ZNF804B: variants seen among roughly 807,000 people sequenced by gnomAD.
The protein encoded by ZNF804B is zinc finger protein 804B.
In ZNF804B, 80 loss-of-function variants were observed where a neutral mutation model predicts 101.4. The ratio of observed to expected loss-of-function variants is 0.79; its 90% CI spans 0.66 to 0.95. The LOEUF (loss-of-function observed/expected upper bound fraction) is 0.95, where lower values mean the gene tolerates loss of function less well. Ranked by LOEUF, ZNF804B falls within the 40% of genes least tolerant of loss-of-function variation. The pLI, the probability that ZNF804B is intolerant of heterozygous loss-of-function variation, is 0.00. For synonymous variants in ZNF804B, 622 were observed against 558.8 expected (o/e 1.11, Z -1.59); for missense variants, 1,673 against 1,561.9 (o/e 1.07, Z -1.20).
At chr7:89,216,064 G>A (rs1415060419) in intron 1 of ZNF804B, among the ~76,000 whole-genome samples, 1 of 152,160 alleles carries the variant, frequency 6.6e-6, no homozygotes, top group Non-Finnish European at 1.5e-5. Flanking sequence ...AGTGCTTTGG[G>A]AGGCCGCGGC....
chr7:88,919,870 A>C (rs1262183482), intron 1 of ZNF804B, among the ~76,000 whole-genome samples: 1 of 152,084 alleles, frequency 6.6e-6, no homozygotes, highest in Non-Finnish European at 1.5e-5. Flanking sequence ...AGAGAAGAAA[A>C]GTAGTTGAAT....
chr7:89,015,833 G>C (rs968845900), intron 1 of ZNF804B, among the ~76,000 whole-genome samples: 1 of 152,136 alleles, frequency 6.6e-6, no homozygotes, highest in Non-Finnish European at 1.5e-5. Context: ...ATGATTTATA[G>C]TCCTTTGGGT....
At chr7:89,095,778 A>G in intron 1 of ZNF804B, among the ~76,000 whole-genome samples, 1 of 152,320 alleles carries the variant, frequency 6.6e-6, no homozygotes, top group Admixed American at 6.5e-5. Flanking sequence ...TAAACTCTTT[A>G]AAAATAGATA....
intron 1 of ZNF804B, among the ~76,000 whole-genome samples, chr7:88,839,557 A>G (rs922433586): frequency 6.6e-6 from 1 of 152,066 alleles, no homozygotes. Flanking sequence ...CTTAGCTTCA[A>G]GAAATTGAAA....
chr7:88,828,345 T>C (rs1791078111), intron 1 of ZNF804B, among the ~76,000 whole-genome samples: 1 of 152,142 alleles, frequency 6.6e-6, no homozygotes. Flanking sequence ...CTTCAAACTC[T>C]ACCCCAGGCC....
At chr7:89,066,915 G>T (rs1789463127) in intron 1 of ZNF804B, among the ~76,000 whole-genome samples, 2 of 151,736 alleles carry the variant, frequency 1.3e-5, no homozygotes, top group Admixed American at 1.3e-4. Flanking sequence ...TTTATGTGAT[G>T]TTTGTGGTAT....
intron 1 of ZNF804B, among the ~76,000 whole-genome samples, chr7:89,047,600 A>C (rs889377270): frequency 2.6e-5 from 4 of 152,192 alleles, no homozygotes; most frequent in Non-Finnish European, 5.9e-5. Context: ...GAGGTAGCCA[A>C]ATATAAATGT....
At chr7:89,028,906 T>C (rs1339270598) in intron 1 of ZNF804B, among the ~76,000 whole-genome samples, 1 of 152,110 alleles carries the variant, frequency 6.6e-6, no homozygotes, top group Non-Finnish European at 1.5e-5. Context: ...ATCAAGCAAT[T>C]GTTATTATTA....
chr7:89,215,259 A>G (rs1204982380), intron 1 of ZNF804B, among the ~76,000 whole-genome samples: 1 of 152,218 alleles, frequency 6.6e-6, no homozygotes, highest in East Asian at 1.9e-4. Context: ...AAAAGATGGT[A>G]TTAAACTTAA....
intron 1 of ZNF804B, among the ~76,000 whole-genome samples, chr7:88,992,349 A>T (rs1431475540): frequency 6.6e-6 from 1 of 152,132 alleles, no homozygotes; most frequent in East Asian, 1.9e-4. Context: ...TTAAATTTCC[A>T]TGCAGGTTTA....
intron 1 of ZNF804B, among the ~76,000 whole-genome samples, chr7:89,084,555 C>T (rs997783529): frequency 6.6e-6 from 1 of 151,898 alleles, no homozygotes; most frequent in Admixed American, 6.6e-5. Context: ...GTGACACCAG[C>T]AAATCAGCTT....
chr7:88,983,623 G>A (rs1166171396), intron 1 of ZNF804B, among the ~76,000 whole-genome samples: 2 of 152,022 alleles, frequency 1.3e-5, no homozygotes, highest in Non-Finnish European at 2.9e-5. Flanking sequence ...TGACAAGGCA[G>A]CATATCACAT....
At chr7:88,899,262 A>G (rs1042045653) in intron 1 of ZNF804B, among the ~76,000 whole-genome samples, 1 of 152,212 alleles carries the variant, frequency 6.6e-6, no homozygotes, top group Admixed American at 6.5e-5. Context: ...ATTCAAGAAG[A>G]GTAGCTAAAA....
chr7:89,141,012 T>C (rs1790708685), intron 1 of ZNF804B, among the ~76,000 whole-genome samples: 1 of 151,996 alleles, frequency 6.6e-6, no homozygotes, highest in African/African-American at 2.4e-5. Flanking sequence ...TGTAGGATTA[T>C]TAATTGGCCT....
At chr7:88,905,408 A>C (rs1477811340) in intron 1 of ZNF804B, among the ~76,000 whole-genome samples, 1 of 151,650 alleles carries the variant, frequency 6.6e-6, no homozygotes, top group African/African-American at 2.4e-5. Context: ...CCCAGGCTGG[A>C]GTGCAGTAAC....
At chr7:89,206,559 C>G (rs1788717459) in intron 1 of ZNF804B, among the ~76,000 whole-genome samples, 1 of 152,076 alleles carries the variant, frequency 6.6e-6, no homozygotes, top group Non-Finnish European at 1.5e-5. Flanking sequence ...CGAGACCAGC[C>G]TGGCCAATGT....
intron 1 of ZNF804B, among the ~76,000 whole-genome samples, chr7:88,834,155 G>A (rs1791174197): frequency 6.6e-6 from 1 of 151,730 alleles, no homozygotes; most frequent in African/African-American, 2.4e-5. Flanking sequence ...AGAGTAAATG[G>A]CTGTTCTATA....
intron 1 of ZNF804B, among the ~76,000 whole-genome samples, chr7:88,824,147 A>G (rs1395304338): frequency 6.6e-6 from 1 of 152,204 alleles, no homozygotes; most frequent in African/African-American, 2.4e-5. Flanking sequence ...AAAAGACAAA[A>G]GAAATGGGAG....
At chr7:88,971,727 A>T (rs1193673011) in intron 1 of ZNF804B, among the ~76,000 whole-genome samples, 1 of 151,578 alleles carries the variant, frequency 6.6e-6, no homozygotes, top group Non-Finnish European at 1.5e-5. Context: ...TATTCTACTC[A>T]CACATGAAGA....
Sources: allele counts gnomAD v4.1 joint callset (sites outside exome capture counted in the v4.1 genomes callset), GRCh38; gene constraint gnomAD v4.1.1; transcripts MANE v1.5; gene names NCBI Gene and HGNC (gene_info 2026-07-23, HGNC 2026-07-21).